The following CLASP1 variants were observed in gnomAD, a reference collection of about 807,000 sequenced individuals.
The protein encoded by CLASP1 is CLIP-associating protein 1.
A neutral mutation model predicts 192.3 loss-of-function variants in CLASP1; 38 were observed. That is an observed-to-expected ratio of 0.20 (90% CI 0.15 to 0.26). CLASP1 has a LOEUF of 0.26. Ranked by LOEUF, CLASP1 falls within the 10% of genes least tolerant of loss-of-function variation. The pLI, the probability that CLASP1 is intolerant of heterozygous loss-of-function variation, is 1.00. For missense variants in CLASP1, 1,433 were observed against 1,932.5 expected, an observed-to-expected ratio of 0.74 and a Z score of 4.85; for synonymous variants, 691 against 712.8, an observed-to-expected ratio of 0.97 and a Z score of 0.49.
intron 6 of CLASP1, among the ~76,000 whole-genome samples, chr2:121,520,341 C>T (rs1461415427): frequency 6.6e-6 from 1 of 152,190 alleles, no homozygotes; most frequent in Non-Finnish European, 1.5e-5. Flanking sequence ...TGATGAGACC[C>T]TAAATCCACC....
chr2:121,411,201 T>C (rs2077649825), intron 23 of CLASP1, among the ~76,000 whole-genome samples: 2 of 152,210 alleles, frequency 1.3e-5, no homozygotes, highest in South Asian at 4.1e-4. Flanking sequence ...TATTTTATTA[T>C]TGAAAAGTTT....
At chr2:121,549,725 G>T (rs62151101) in intron 2 of CLASP1, among the ~76,000 whole-genome samples, 13 of 105,958 alleles carry the variant, frequency 1.2e-4, no homozygotes, top group Non-Finnish European at 1.9e-4. Flanking sequence ...AAAAAAAAAG[G>T]CCTGGCGTGG....
chr2:121,621,577 T>C (rs912970961), intron 1 of CLASP1, among the ~76,000 whole-genome samples: 10 of 152,232 alleles, frequency 6.6e-5, no homozygotes, highest in African/African-American at 2.4e-4. Flanking sequence ...TTATTCTTTC[T>C]CCACCTAATT....
chr2:121,642,492 G>A (rs976003697), intron 1 of CLASP1, among the ~76,000 whole-genome samples: 5 of 152,026 alleles, frequency 3.3e-5, no homozygotes, highest in African/African-American at 1.2e-4. Flanking sequence ...CAGCATTTGG[G>A]AGGCTGAGGC....
chr2:121,384,064 A>G (rs150537397), intron 32 of CLASP1, among the ~76,000 whole-genome samples: 1 of 136,236 alleles, frequency 7.3e-6, no homozygotes, highest in Non-Finnish European at 1.6e-5. Context: ...ATATATGTAT[A>G]TATACACACA....
chr2:121,377,559 A>T, exon 34 of CLASP1: 6 of 1,600,396 alleles, frequency 3.7e-6, no homozygotes, highest in Non-Finnish European at 5.1e-6. Context: ...CTTGGCTTCG[A>T]AAACTAAACT....
At chr2:121,628,079 T>C (rs2068722848) in intron 1 of CLASP1, among the ~76,000 whole-genome samples, 1 of 152,228 alleles carries the variant, frequency 6.6e-6, no homozygotes, top group Non-Finnish European at 1.5e-5. Context: ...AAATTTGCTA[T>C]ATTTCTCAGA....
At chr2:121,402,537 C>T in intron 26 of CLASP1, 3 of 509,502 alleles carry the variant, frequency 5.9e-6, no homozygotes, top group South Asian at 2.9e-5. Flanking sequence ...TGTGGGATTC[C>T]TGGCTTCACT....
Position 121,425,322 on chromosome 2 carries a change from A to G in CLASP1, c.2045-16T>C, listed in dbSNP as rs958154345. 1.2e-6 allele frequency: 2 copies of G among 1,608,224 alleles called. No homozygotes were observed. The highest frequency in any genetic ancestry group is 2.7e-5 in the African/African-American group (2 of 74,706). Reference sequence around the variant, plus strand: ...CGGCTGCCAGCTAAAAGTGAAGCAAAATGACAATGAATAATAGATGTAAAT... The same window carrying G: ...CGGCTGCCAGCTAAAAGTGAAGCAAGATGACAATGAATAATAGATGTAAAT... On this transcript the variant is annotated splice_polypyrimidine_tract_variant and intron_variant, in intron 21 of 39. Transcript: ENST00000263710.
rs1205080425 is a variant in CLASP1, at chr2:121,527,783, C to T, written c.470+16G>A. 9.5e-6 allele frequency: 15 copies of T among 1,576,472 alleles called. No homozygotes were observed. The highest frequency in any genetic ancestry group is 1.7e-4 in the Middle Eastern group (1 of 5,986). ...AATTCAGCCACGTAAAAATGTCAGG[C>T]TCATCCCAGACTTACGCATTGAGTG... On this transcript the variant is annotated intron_variant, in intron 5 of 39. Coordinates refer to ENST00000263710, the Ensembl canonical transcript of CLASP1.
chr2:121,563,549 T>C (rs2059270184), intron 2 of CLASP1, among the ~76,000 whole-genome samples: 2 of 152,246 alleles, frequency 1.3e-5, no homozygotes, highest in South Asian at 2.1e-4. Flanking sequence ...TAACTTGTTC[T>C]AGCATAGAAA....
intron 1 of CLASP1, among the ~76,000 whole-genome samples, chr2:121,624,477 C>T (rs1018145343): frequency 5.3e-5 from 8 of 152,216 alleles, no homozygotes; most frequent in South Asian, 2.1e-4. Context: ...TGCACATTTG[C>T]GTGATCTGGG....
At chr2:121,473,532 C>T (rs776512393) in intron 8 of CLASP1, among the ~76,000 whole-genome samples, 2 of 151,818 alleles carry the variant, frequency 1.3e-5, no homozygotes, top group East Asian at 1.9e-4. Flanking sequence ...GCCTGCAGGA[C>T]GAGGGGAAGA....
chr2:121,578,400 C>A, intron 2 of CLASP1, among the ~76,000 whole-genome samples: 1 of 110,756 alleles, frequency 9.0e-6, no homozygotes, highest in African/African-American at 3.3e-5. Flanking sequence ...CCAGCCTGGA[C>A]AACACAGTGA....
At chr2:121,444,083 G>A (rs1468820369) in intron 19 of CLASP1, among the ~76,000 whole-genome samples, 2 of 152,126 alleles carry the variant, frequency 1.3e-5, no homozygotes. Flanking sequence ...ATTACTTAAA[G>A]CATTTTCATG....
intron 19 of CLASP1, chr2:121,445,478 T>C: frequency 7.8e-7 from 1 of 1,289,522 alleles, no homozygotes; most frequent in Non-Finnish European, 1.0e-6. Context: ...CTCCATGTCT[T>C]CCCTCATGTG....
chr2:121,527,964 G>A (rs2094618269), intron 4 of CLASP1, 74 bp from the exon 5 acceptor site: 2 of 1,231,204 alleles, frequency 1.6e-6, no homozygotes, highest in Non-Finnish European at 2.4e-6. Context: ...AGCAATAGAA[G>A]GCAAGCCTCT....
intron 30 of CLASP1, among the ~76,000 whole-genome samples, chr2:121,393,419 A>G (rs568368984): frequency 1.0e-3 from 158 of 152,334 alleles, no homozygotes; most frequent in Non-Finnish European, 1.9e-3. Flanking sequence ...ACAGACATGT[A>G]TTTTATGTTT....
chr2:121,608,623 G>C (rs1270139261), intron 1 of CLASP1, among the ~76,000 whole-genome samples: 2 of 152,138 alleles, frequency 1.3e-5, no homozygotes, highest in African/African-American at 4.8e-5. Flanking sequence ...TCCGACTGCA[G>C]TTATGCCAGT....
Sources: gnomAD v4.1 joint callset for allele counts (sites outside exome capture counted in the v4.1 genomes callset) on GRCh38, gnomAD v4.1.1 for gene constraint, MANE v1.5 for transcripts, NCBI Gene and HGNC (gene_info 2026-07-23, HGNC 2026-07-21) for gene names.